PARP15: variants seen among roughly 807,000 people sequenced by gnomAD.
The protein encoded by PARP15 is protein mono-ADP-ribosyltransferase PARP15.
Under a neutral mutation model 62.1 loss-of-function variants are expected in PARP15, and 50 were observed. That is an observed-to-expected ratio of 0.81 (90% CI 0.64 to 1.02). The LOEUF is 1.02. PARP15 is among the 50% of genes least tolerant of loss of function. The pLI is 0.00. For synonymous variants in PARP15, 309 were observed against 293.1 expected (o/e 1.05, Z -0.55); for missense variants, 820 against 826.5 (o/e 0.99, Z 0.10).
intron 11 of PARP15, among the ~76,000 whole-genome samples, 179 bp from the exon 12 acceptor site, chr3:122,635,632 C>G (rs555319381): frequency 2.0e-5 from 3 of 152,116 alleles, no homozygotes; most frequent in Admixed American, 2.0e-4. Flanking sequence ...AGGCTGGTCT[C>G]GAACTCCTGG....
chr3:122,597,023 A>G (rs1441517074), intron 1 of PARP15, among the ~76,000 whole-genome samples: 2 of 152,248 alleles, frequency 1.3e-5, no homozygotes, highest in African/African-American at 2.4e-5. Context: ...ACCTTAGACC[A>G]GGTAATATAT....
intron 1 of PARP15, among the ~76,000 whole-genome samples, chr3:122,600,258 G>GA (rs1194029260): frequency 2.6e-5 from 4 of 151,948 alleles, no homozygotes; most frequent in Non-Finnish European, 2.9e-5. Context: ...AAATATGGGA[G>GA]AAAAAAGGCA....
intron 1 of PARP15, among the ~76,000 whole-genome samples, chr3:122,599,644 G>A (rs886904673): frequency 2.6e-5 from 4 of 151,932 alleles, no homozygotes; most frequent in Non-Finnish European, 5.9e-5. Context: ...CATAATCATA[G>A]CTAATTGCAG....
At chr3:122,615,503 G>A (rs1374715245) in intron 4 of PARP15, 3 of 1,161,786 alleles carry the variant, frequency 2.6e-6, no homozygotes, top group Non-Finnish European at 2.3e-6. Context: ...CACAAAAAAG[G>A]CATGTGACTT....
Position 122,617,111 on chromosome 3 carries a change from A to T in PARP15, c.947A>T (p.Glu316Val). 6.2e-7 allele frequency: 1 copy of T among 1,614,134 alleles called. No homozygotes were observed. Among genetic ancestry groups the T allele is most frequent in the Non-Finnish European group, 8.5e-7 (1 of 1,179,938 alleles). ...GTTGCTACTGGAGATATAGCCACTG[A>T]ACAGGTAGATGTTATTGTAAACTCA... Reference protein sequence around the residue: ...FQVATGDIATEQVDVIVNSTA... With the variant: ...FQVATGDIATVQVDVIVNSTA... The change falls in exon 6 of 12, where the codon GAA becomes GTA. Residue 316 changes from glutamate to valine, a missense_variant. This residue lies in a region of PARP15 where 731 missense variants were observed against 727.7 expected (regional missense o/e 1.00). Coordinates refer to ENST00000464300, the MANE Select transcript of PARP15 (RefSeq NM_001113523.3).
At chr3:122,625,175 A>C (rs1029237105) in intron 8 of PARP15, among the ~76,000 whole-genome samples, 2 of 152,116 alleles carry the variant, frequency 1.3e-5, no homozygotes, top group African/African-American at 4.8e-5. Flanking sequence ...TCCAAAATTC[A>C]TATGTTGAAG....
chr3:122,630,552 G>A (rs895622036), intron 9 of PARP15, among the ~76,000 whole-genome samples: 1 of 152,064 alleles, frequency 6.6e-6, no homozygotes, highest in African/African-American at 2.4e-5. Context: ...AGTGGCATGT[G>A]CCTGTAGTTG....
At chr3:122,613,663 A>T (rs1331747895) in intron 4 of PARP15, among the ~76,000 whole-genome samples, 1 of 152,184 alleles carries the variant, frequency 6.6e-6, no homozygotes, top group Non-Finnish European at 1.5e-5. Flanking sequence ...GTGTCTACAA[A>T]CTAGAAATAG....
intron 1 of PARP15, among the ~76,000 whole-genome samples, chr3:122,594,037 A>G (rs556323924): frequency 6.6e-6 from 1 of 152,336 alleles, no homozygotes; most frequent in African/African-American, 2.4e-5. Context: ...TAAGAATGAA[A>G]TTGGGGGTTA....
intron 1 of PARP15, among the ~76,000 whole-genome samples, chr3:122,603,721 G>A (rs1284989047): frequency 6.6e-6 from 1 of 152,212 alleles, no homozygotes; most frequent in Non-Finnish European, 1.5e-5. Flanking sequence ...CTCTGGGTGG[G>A]AGATCACGGA....
intron 9 of PARP15, among the ~76,000 whole-genome samples, chr3:122,628,254 C>T (rs1366875267): frequency 6.6e-6 from 1 of 152,102 alleles, no homozygotes; most frequent in Non-Finnish European, 1.5e-5. Flanking sequence ...TCTGATTGGA[C>T]CATTTTAGGT....
intron 10 of PARP15, among the ~76,000 whole-genome samples, chr3:122,634,387 G>A (rs574882701): frequency 6.6e-6 from 1 of 152,194 alleles, no homozygotes; most frequent in East Asian, 1.9e-4. Context: ...TGTTCAGTAG[G>A]TGATGACTGA....
chr3:122,624,354 T>G (rs1405016168), intron 8 of PARP15, among the ~76,000 whole-genome samples: 3 of 152,200 alleles, frequency 2.0e-5, no homozygotes, highest in Admixed American at 2.0e-4. Context: ...AGTAACCTTA[T>G]ATAGGGTGAT....
At chr3:122,627,678 C>T (rs1209893198) in intron 9 of PARP15, among the ~76,000 whole-genome samples, 1 of 152,214 alleles carries the variant, frequency 6.6e-6, no homozygotes, top group African/African-American at 2.4e-5. Flanking sequence ...AGCACTCACC[C>T]TTAAAGCACT....
intron 1 of PARP15, among the ~76,000 whole-genome samples, chr3:122,579,687 A>G (rs1327712249): frequency 2.6e-5 from 4 of 152,006 alleles, no homozygotes; most frequent in African/African-American, 9.7e-5. Context: ...TTTAAAATCT[A>G]TGTATTGAGG....
At chr3:122,621,170 C>T (rs1936314744) in intron 7 of PARP15, among the ~76,000 whole-genome samples, 1 of 152,206 alleles carries the variant, frequency 6.6e-6, no homozygotes, top group African/African-American at 2.4e-5. Flanking sequence ...ACAGTACCTG[C>T]CTCATAGGCT....
intron 5 of PARP15, among the ~76,000 whole-genome samples, chr3:122,616,563 C>A (rs1466224073): frequency 1.3e-5 from 2 of 152,064 alleles, no homozygotes; most frequent in African/African-American, 4.8e-5. Flanking sequence ...AACTCCTAAC[C>A]TCAAGTGATC....
chr3:122,624,942 C>T (rs1936601713), intron 8 of PARP15, among the ~76,000 whole-genome samples: 2 of 152,108 alleles, frequency 1.3e-5, no homozygotes, highest in South Asian at 4.1e-4. Flanking sequence ...TAGGTTCAAC[C>T]TAGCAACAGA....
intron 1 of PARP15, among the ~76,000 whole-genome samples, chr3:122,589,769 T>C (rs1933725179): frequency 6.6e-6 from 1 of 152,200 alleles, no homozygotes; most frequent in African/African-American, 2.4e-5. Context: ...ATATTCTAGG[T>C]ACAAGTCTTA....
Sources: gnomAD v4.1 joint callset for allele counts (sites outside exome capture counted in the v4.1 genomes callset) on GRCh38, gnomAD v4.1.1 for gene constraint, gnomAD v4.1.1 regional missense constraint, MANE v1.5 for transcripts, NCBI Gene and HGNC (gene_info 2026-07-23, HGNC 2026-07-21) for gene names.